NUP210: variants seen among roughly 807,000 people sequenced by gnomAD.
The protein encoded by NUP210 is nuclear pore membrane glycoprotein 210.
A neutral mutation model predicts 196.0 loss-of-function variants in NUP210; 151 were observed. The observed-to-expected ratio is 0.77, with a 90% CI of 0.67 to 0.88. NUP210 has a LOEUF of 0.88. Ranked by LOEUF, NUP210 falls within the 40% of genes least tolerant of loss-of-function variation. The probability of loss-of-function intolerance (pLI) is 0.00; values close to 1 mark genes in which losing one functional copy is unlikely to be tolerated. For synonymous variants in NUP210, 1,070 were observed against 1,052.7 expected (o/e 1.02, Z -0.32); for missense variants, 2,314 against 2,493.7 (o/e 0.93, Z 1.53).
At chr3:13,397,281 CAG>C (rs1038561327) in intron 3 of NUP210, 74 bp downstream of exon 3, 3 of 1,522,618 alleles carry the variant, frequency 2.0e-6, no homozygotes, top group African/African-American at 1.4e-5. Flanking sequence ...GTGGGGAATG[CAG>C]AGAGGCCAGA....
intron 1 of NUP210, among the ~76,000 whole-genome samples, chr3:13,407,111 T>C (rs1349783395): frequency 1.3e-5 from 2 of 152,182 alleles, no homozygotes; most frequent in Admixed American, 6.5e-5. Context: ...AAATAGCACC[T>C]ATACAAAGCA....
intron 14 of NUP210, among the ~76,000 whole-genome samples, chr3:13,363,217 T>C (rs2046189): frequency 0.58 from 88,239 of 152,114 alleles, 26,775 homozygotes; most frequent in African/African-American, 0.76. Flanking sequence ...CCCCACTTTA[T>C]AGACAGCAAG....
In NUP210 at chr3:13,319,220, G is replaced by T. The variant is rs752523968; in HGVS notation, c.5479+10C>A. The T allele has an allele frequency of 6.2e-7, 1 of 1,612,372 alleles. No homozygotes were observed. Among genetic ancestry groups the T allele is most frequent in the South Asian group, 1.1e-5 (1 of 90,678 alleles). The stretch of plus-strand genomic sequence containing the variant: ...GGGAACAGACCCAGAGATACAGGCA[G>T]CCTCCTCACCTATGATCATGACCGC... On this transcript the variant is annotated intron_variant, in intron 38 of 39. Transcript: ENST00000254508.
Position 13,379,578 on chromosome 3 carries a change from C to T in NUP210, c.961G>A (p.Val321Ile), listed in dbSNP as rs750633056. The T allele has an allele frequency of 6.8e-6, 11 of 1,614,046 alleles. No homozygotes were observed. In the East Asian group the frequency reaches 8.9e-5, roughly 13 times the overall value. ...AAAAGGATATTCCTGTGGCCAAGGA[C>T]GAGGCTGCTCTGTCCCAGCTGCAGT... Reference protein sequence around the residue: ...TALQLGQSSLVLGHRSIRMQG... With the variant: ...TALQLGQSSLILGHRSIRMQG... The change falls in exon 7 of 40, where the codon GTC becomes ATC. Residue 321 changes from valine (V) to isoleucine (I), a missense_variant. By Grantham distance (29) the Val-to-Ile change is conservative. Transcript: ENST00000254508. This position sits in a 1 kb window ranked among gnomAD's most constrained non-coding sequence, Gnocchi z 4.2.
At chr3:13,382,048 G>A (rs556219502) in intron 6 of NUP210, among the ~76,000 whole-genome samples, 4 of 152,318 alleles carry the variant, frequency 2.6e-5, no homozygotes, top group African/African-American at 9.6e-5. Flanking sequence ...TTCTACAACT[G>A]AGTCTCTGAC....
intron 36 of NUP210, among the ~76,000 whole-genome samples, chr3:13,320,959 C>T (rs555665991): frequency 2.0e-3 from 302 of 152,360 alleles, no homozygotes; most frequent in African/African-American, 6.9e-3. Context: ...GGTAGCAGCC[C>T]GAGCTCTGCT....
chr3:13,415,140 A>C (rs1395367119), intron 1 of NUP210, among the ~76,000 whole-genome samples: 1 of 152,276 alleles, frequency 6.6e-6, no homozygotes, highest in Non-Finnish European at 1.5e-5. Flanking sequence ...AGGCAGGAGA[A>C]TAGCTTGAAC....
At position 13,321,805 on chromosome 3, in the gene NUP210, C is replaced by T. The variant is rs749990449; in HGVS notation, c.4946G>A (p.Arg1649Lys). The T allele has an allele frequency of 1.9e-6, 3 of 1,608,832 alleles. No homozygotes were observed. The Admixed American group carries it at 5.0e-5, about 27-fold the overall frequency. Residue 1649 changes from arginine to lysine, a missense_variant, in exon 36 of 40, where the codon AGG becomes AAG. Coordinates refer to ENST00000254508, the MANE Select transcript of NUP210 (RefSeq NM_024923.4). ...GQYFCSITMH[R>K]LTDKQRKHLS... ...GTGCTTCCGCTGCTTGTCCGTCAGC[C>T]TGTGCATTGTGATTGAGCAGAAGTA... is the stretch of plus-strand genomic sequence containing the variant.
At chr3:13,342,237 A>G in intron 21 of NUP210, 114 bp from the exon 22 acceptor site, 1 of 1,329,864 alleles carries the variant, frequency 7.5e-7, no homozygotes, top group South Asian at 1.4e-5. Flanking sequence ...CAGACCTGGG[A>G]ATCAGGAGAG....
At chr3:13,319,197 G>A (rs374410040) in intron 38 of NUP210, 33 bp downstream of exon 38, 13 of 1,611,542 alleles carry the variant, frequency 8.1e-6, no homozygotes, top group African/African-American at 2.7e-5. Context: ...CGGGGCAGGG[G>A]AACAGACCCA....
chr3:13,370,431 G>A (rs1327082861), intron 13 of NUP210, among the ~76,000 whole-genome samples: 2 of 152,204 alleles, frequency 1.3e-5, no homozygotes, highest in Non-Finnish European at 2.9e-5. Flanking sequence ...CAGCACACCA[G>A]CATCATACAG....
intron 16 of NUP210, among the ~76,000 whole-genome samples, chr3:13,356,597 T>C (rs1698180204): frequency 1.3e-5 from 2 of 152,174 alleles, no homozygotes; most frequent in Admixed American, 1.3e-4. Flanking sequence ...GAGCCGAGAT[T>C]GCGCCACTGC....
chr3:13,376,612 A>C (rs991987671), intron 9 of NUP210, among the ~76,000 whole-genome samples, 181 bp from the exon 10 acceptor site: 3 of 152,084 alleles, frequency 2.0e-5, no homozygotes, highest in African/African-American at 7.2e-5. Flanking sequence ...AGGTCTGATC[A>C]CTATGGCCTT....
Position 13,395,940 on chromosome 3 carries a change from C to T in NUP210, c.436+1417G>A, listed in dbSNP as rs1011176256. 2.6e-5 allele frequency among the ~76,000 whole-genome samples: 4 copies of T among 152,198 alleles called. No individual in the cohort carries two copies. In the South Asian group the frequency reaches 6.2e-4, roughly 24 times the overall value. ...CACCCCCTGGCTTACTGAGTACTCACGCAAGACCGAACACTGTACATATTT... is the reference window on the plus strand; with the variant it reads ...CACCCCCTGGCTTACTGAGTACTCATGCAAGACCGAACACTGTACATATTT... On this transcript the variant is annotated intron_variant, in intron 3 of 39. Transcript: ENST00000254508.
chr3:13,326,127 A>G (rs900805820), intron 32 of NUP210, among the ~76,000 whole-genome samples, 196 bp from the exon 33 acceptor site: 1 of 152,260 alleles, frequency 6.6e-6, no homozygotes, highest in Admixed American at 6.5e-5. Context: ...ACCTGGAGCC[A>G]TCAGCTCTCC....
chr3:13,352,260 G>C lies in NUP210; in HGVS notation c.2629-76C>G, dbSNP rs937236533. The C allele has an allele frequency of 5.6e-5, 62 of 1,100,624 alleles. 3 individuals are homozygous for C. Among genetic ancestry groups the C allele is most frequent in the Admixed American group, 2.6e-4 (13 of 50,746 alleles). 68.2% of individuals were successfully genotyped at this position (1,100,624 alleles called of 1,614,324 possible). Reference sequence around the variant, plus strand: ...CCCCTCGGGAAGAACAGGCCCAAAAGCCCTAGGGCCTGGCCTTGCTCCTGG... The same window carrying C: ...CCCCTCGGGAAGAACAGGCCCAAAACCCCTAGGGCCTGGCCTTGCTCCTGG... On this transcript the variant is annotated intron_variant, in intron 18 of 39. Transcript: ENST00000254508.
chr3:13,370,931 A>C (rs1262407128), intron 13 of NUP210, among the ~76,000 whole-genome samples: 2 of 152,162 alleles, frequency 1.3e-5, no homozygotes, highest in Non-Finnish European at 2.9e-5. Context: ...AAGCCCTCCA[A>C]AACACGCTGT....
intron 1 of NUP210, among the ~76,000 whole-genome samples, chr3:13,402,339 C>T (rs1699867586): frequency 6.6e-6 from 1 of 152,174 alleles, no homozygotes; most frequent in Non-Finnish European, 1.5e-5. Context: ...CCCCTGGGAA[C>T]TGGGATCTGG....
chr3:13,418,399 C>A (rs1230321278), intron 1 of NUP210, among the ~76,000 whole-genome samples: 1 of 152,016 alleles, frequency 6.6e-6, no homozygotes, highest in African/African-American at 2.4e-5. Flanking sequence ...TCGAGACCAG[C>A]CTGACCAACA....
Sources: allele counts gnomAD v4.1 joint callset (sites outside exome capture counted in the v4.1 genomes callset), GRCh38; gene constraint gnomAD v4.1.1; non-coding constraint Gnocchi (gnomAD v3.1); transcripts MANE v1.5; gene names NCBI Gene and HGNC (gene_info 2026-07-23, HGNC 2026-07-21).